CES5A: variants seen among roughly 807,000 people sequenced by gnomAD.
CES5A encodes carboxylesterase 5A, also known as carboxylesterase 5.
A neutral mutation model predicts 62.9 loss-of-function variants in CES5A; 67 were observed. The observed-to-expected ratio is 1.07, with a 90% CI of 0.88 to 1.31. The LOEUF is 1.31. Ranked by LOEUF, CES5A falls within the 50% of genes most tolerant of loss-of-function variation. The pLI is 0.00. For missense variants in CES5A, 748 were observed against 708.5 expected (o/e 1.06, Z -0.63); for synonymous variants, 296 against 280.8 (o/e 1.05, Z -0.54).
At chr16:55,897,694 T>C (rs1250172567) in intron 1 of CES5A, among the ~76,000 whole-genome samples, 1 of 152,224 alleles carries the variant, frequency 6.6e-6, no homozygotes, top group Non-Finnish European at 1.5e-5. Flanking sequence ...ATGTTTCCAT[T>C]TTCCTTAAGA....
chr16:55,907,187 G>A (rs2034047488), intron 1 of CES5A, among the ~76,000 whole-genome samples: 1 of 152,218 alleles, frequency 6.6e-6, no homozygotes, highest in Non-Finnish European at 1.5e-5. Context: ...GAAGGAATGA[G>A]AAACTTCATC....
chr16:55,951,139 C>T (rs1396185859), intron 1 of CES5A, among the ~76,000 whole-genome samples: 2 of 131,938 alleles, frequency 1.5e-5, no homozygotes, highest in Non-Finnish European at 3.1e-5. Context: ...AAGACCCACA[C>T]TTAAGCTTTT....
chr16:55,850,356 A>G (rs552020930), intron 10 of CES5A, among the ~76,000 whole-genome samples: 32 of 152,352 alleles, frequency 2.1e-4, no homozygotes, highest in African/African-American at 7.2e-4. Context: ...CAGAAACCTC[A>G]GACCCATTTA....
At chr16:55,944,177 G>A (rs1008732629) in intron 2 of CES5A, 2 of 697,832 alleles carry the variant, frequency 2.9e-6, no homozygotes, top group South Asian at 3.0e-5. Flanking sequence ...TGAAGACTTG[G>A]GTCCCAGTCC....
At chr16:55,916,977 A>G (rs2034153767) in intron 1 of CES5A, among the ~76,000 whole-genome samples, 2 of 151,710 alleles carry the variant, frequency 1.3e-5, no homozygotes, top group Non-Finnish European at 2.9e-5. Flanking sequence ...TTTTCTCCTG[A>G]CTCCTGACAC....
At chr16:55,892,738 G>A (rs1240136709) in intron 1 of CES5A, among the ~76,000 whole-genome samples, 1 of 151,482 alleles carries the variant, frequency 6.6e-6, no homozygotes, top group East Asian at 1.9e-4. Flanking sequence ...AAAAAATAGT[G>A]GATAGACTTC....
intron 4 of CES5A, among the ~76,000 whole-genome samples, chr16:55,868,994 C>A (rs7499564): frequency 8.6e-4 from 131 of 152,136 alleles, no homozygotes; most frequent in African/African-American, 3.1e-3. Flanking sequence ...CATGTTAGGC[C>A]TGATTGGAGG....
intron 9 of CES5A, among the ~76,000 whole-genome samples, chr16:55,854,230 C>T (rs1306018621): frequency 6.6e-6 from 1 of 152,002 alleles, no homozygotes; most frequent in Non-Finnish European, 1.5e-5. Flanking sequence ...AAAAAGCAGC[C>T]CCTAGCATGC....
chr16:55,863,223 G>A, intron 6 of CES5A, 125 bp downstream of exon 6: 1 of 680,604 alleles, frequency 1.5e-6, no homozygotes, highest in Non-Finnish European at 2.7e-6. Context: ...GGTTCACCTT[G>A]GGCCAGCATG....
chr16:55,927,161 C>A (rs1439746114), upstream of CES5A, among the ~76,000 whole-genome samples: 1 of 152,010 alleles, frequency 6.6e-6, no homozygotes, highest in Admixed American at 6.6e-5. Context: ...CCAGAAAAAT[C>A]TGAGAAGAAA....
chr16:55,853,960 G>A (rs1351963638), intron 9 of CES5A, among the ~76,000 whole-genome samples: 3 of 152,156 alleles, frequency 2.0e-5, no homozygotes, highest in African/African-American at 2.4e-5. Context: ...GCTCAGACTC[G>A]TTTATTGGGT....
At chr16:55,932,990 G>A (rs2034330390) in intron 2 of CES5A, among the ~76,000 whole-genome samples, 1 of 152,240 alleles carries the variant, frequency 6.6e-6, no homozygotes, top group African/African-American at 2.4e-5. Context: ...AAAATTGTGT[G>A]AAGATAAATC....
chr16:55,937,550 C>T (rs933425824), intron 2 of CES5A, among the ~76,000 whole-genome samples: 1 of 152,122 alleles, frequency 6.6e-6, no homozygotes, highest in Non-Finnish European at 1.5e-5. Context: ...CCAAAAAAAA[C>T]ATGGGGATGG....
intron 11 of CES5A, 38 bp downstream of exon 11, chr16:55,849,586 G>C (rs1371951297): frequency 5.6e-6 from 9 of 1,607,986 alleles, no homozygotes; most frequent in Non-Finnish European, 7.7e-6. Flanking sequence ...GTAAGCAAGG[G>C]GCTTCATGTG....
chr16:55,926,792 A>G (rs1290912917), upstream of CES5A, among the ~76,000 whole-genome samples: 1 of 152,262 alleles, frequency 6.6e-6, no homozygotes, highest in African/African-American at 2.4e-5. Context: ...AAGAACGTCA[A>G]CATGCAAACT....
At chr16:55,890,962 A>C (rs2033870131) in intron 1 of CES5A, among the ~76,000 whole-genome samples, 1 of 152,150 alleles carries the variant, frequency 6.6e-6, no homozygotes. Flanking sequence ...CTCCTAAAGC[A>C]ACCTTTTTCA....
rs188465283 is a variant in CES5A, at chr16:55,935,903, A to G, written c.160+13882T>C. Among the ~76,000 whole-genome samples the G allele has an allele frequency of 1.3e-3, 197 of 152,282 alleles. 1 individual carries two copies. Among genetic ancestry groups the G allele is most frequent in the South Asian group, 8.9e-3 (43 of 4,824 alleles). On this transcript the variant is annotated intron_variant, in intron 2 of 13. Coordinates refer to the CES5A transcript ENST00000521992. Reference sequence around the variant, plus strand: ...AACTGTCTCATCACAAAGTTATAAGAAATAGAAGTTAATAAACAGGAAGCA... The same window carrying G: ...AACTGTCTCATCACAAAGTTATAAGGAATAGAAGTTAATAAACAGGAAGCA...
At chr16:55,878,243 C>G (rs1462490647), upstream of CES5A, among the ~76,000 whole-genome samples, 1 of 152,046 alleles carries the variant, frequency 6.6e-6, no homozygotes, top group Non-Finnish European at 1.5e-5. Flanking sequence ...TCAAAGCCCA[C>G]TTTTGAATTC....
chr16:55,873,768 G>A lies in CES5A; in HGVS notation c.278+65C>T. On this transcript the variant is annotated intron_variant, in intron 2 of 12. Coordinates refer to ENST00000290567, the MANE Select transcript of CES5A (RefSeq NM_001143685.2). The stretch of plus-strand genomic sequence containing the variant: ...AATCCCTCTTCTTTCACACTGGGCT[G>A]CATGACCTGAATTCCTGCCACTCCC... 2.1e-6 allele frequency: 3 copies of A among 1,410,030 alleles called. 1 individual carries two copies. The highest frequency in any genetic ancestry group is 2.6e-5 in the South Asian group (2 of 75,880). The allele number at this position is 1,410,030 out of a possible 1,614,324, so 87.3% of individuals were successfully genotyped here.
Sources: gnomAD v4.1 joint callset for allele counts (sites outside exome capture counted in the v4.1 genomes callset) on GRCh38, gnomAD v4.1.1 for gene constraint, MANE v1.5 for transcripts, NCBI Gene and HGNC (gene_info 2026-07-23, HGNC 2026-07-21) for gene names.